LRRK1: variants seen among roughly 807,000 people sequenced by gnomAD.
LRRK1 encodes the protein leucine-rich repeat serine/threonine-protein kinase 1.
A neutral mutation model predicts 209.1 loss-of-function variants in LRRK1; 113 were observed. The observed-to-expected ratio is 0.54, with a 90% CI of 0.46 to 0.63. The LOEUF (loss-of-function observed/expected upper bound fraction) is 0.63. Among genes scored for constraint, LRRK1 ranks in the 30% least tolerant of loss-of-function variants. LRRK1 has a pLI of 0.00. For missense variants in LRRK1, 2,284 were observed against 2,632.2 expected, an observed-to-expected ratio of 0.87 and a Z score of 2.89; for synonymous variants, 1,144 against 1,099.7, an observed-to-expected ratio of 1.04 and a Z score of -0.80.
rs2036918037 is a variant in LRRK1, at chr15:101,074,632, C to G, written c.*5784C>G. The G allele has an allele frequency of 2.0e-5, 3 of 152,130 alleles. No individual in the cohort carries two copies. Among genetic ancestry groups the G allele is most frequent in the African/African-American group, 7.2e-5 (3 of 41,408 alleles). The allele number at this position is 152,130 out of a possible 1,614,324, so 9.4% of individuals were successfully genotyped here. A position where few individuals can be genotyped will look rare whatever the true frequency, so the allele number is the denominator to read the frequency against. On this transcript the variant is annotated 3_prime_UTR_variant, in exon 34 of 34. Transcript: ENST00000388948. The stretch of plus-strand genomic sequence containing the variant: ...AAAATTAAATTCCGGCCCTCAAACC[C>G]CACAACAGGATTTAATTAACCTTGC...
Position 100,984,910 on chromosome 15 carries a change from G to A in LRRK1, c.433+1211G>A, listed in dbSNP as rs546355064. On this transcript the variant is annotated intron_variant, in intron 4 of 33. Coordinates refer to ENST00000388948, the MANE Select transcript of LRRK1 (RefSeq NM_024652.6). The stretch of plus-strand genomic sequence containing the variant: ...CTTGGGAGCCAGGGCCCACCTCTTG[G>A]GTGGGAGAACATGCAGTCACCCAGG... Among the ~76,000 whole-genome samples the A allele has an allele frequency of 2.6e-5, 4 of 152,268 alleles. No homozygotes were observed. The East Asian group carries it at 7.7e-4, about 29-fold the overall frequency.
At chr15:101,062,984 G>A (rs1054678887) in intron 31 of LRRK1, among the ~76,000 whole-genome samples, 6 of 152,122 alleles carry the variant, frequency 3.9e-5, no homozygotes, top group Non-Finnish European at 5.9e-5. Context: ...CAAATGGCAC[G>A]GTGAGCAGTC....
chr15:101,012,641 TGCCCA>T (rs2033316673), intron 10 of LRRK1, among the ~76,000 whole-genome samples: 1 of 29,098 alleles, frequency 3.4e-5, no homozygotes, highest in Admixed American at 6.3e-4. Context: ...CCAGGCAGAG[TGCCCA>T]GGCCACCCTG....
chr15:100,932,172 G>T (rs2042224590), intron 2 of LRRK1, among the ~76,000 whole-genome samples: 1 of 152,136 alleles, frequency 6.6e-6, no homozygotes, highest in South Asian at 2.1e-4. Flanking sequence ...TTTTAGTAGA[G>T]ATGGTGTTTC....
In LRRK1 at chr15:101,055,004, C is replaced by G; in HGVS notation, c.4113C>G (p.Ala1371=). The change falls in exon 27 of 34, where the codon GCC becomes GCG. Residue 1371 remains alanine, a synonymous_variant. Transcript: ENST00000388948. ...CCCAAAAAATAGCCTACCAGATCGCCTCGGGCCTGGCCTACCTGCACAAGA... is the reference window on the plus strand; with the variant it reads ...CCCAAAAAATAGCCTACCAGATCGCGTCGGGCCTGGCCTACCTGCACAAGA... ...MLTQKIAYQI[A]SGLAYLHKKN... 4 of 1,614,102 alleles carry G rather than the reference C, an allele frequency of 2.5e-6. No individual in the cohort carries two copies. The highest frequency in any genetic ancestry group is 3.4e-6 in the Non-Finnish European group (4 of 1,180,002).
intron 29 of LRRK1, among the ~76,000 whole-genome samples, chr15:101,058,618 G>GGGGA (rs35096812): frequency 8.9e-5 from 1 of 11,198 alleles, no homozygotes; most frequent in Non-Finnish European, 1.6e-3. Flanking sequence ...AAGGGGCAAC[G>GGGGA]GGGGGGGGCG....
intron 10 of LRRK1, 30 bp from the exon 11 acceptor site, chr15:101,014,286 A>G (rs781115352): frequency 6.7e-7 from 1 of 1,488,280 alleles, no homozygotes; most frequent in Admixed American, 1.8e-5. Flanking sequence ...ATGCTATCTT[A>G]GCTTCTCTCT....
intron 11 of LRRK1, among the ~76,000 whole-genome samples, chr15:101,014,957 A>T (rs2033458246): frequency 6.6e-6 from 1 of 152,216 alleles, no homozygotes; most frequent in Admixed American, 6.5e-5. Flanking sequence ...AATTCTGTTC[A>T]AAAGTCTCTG....
intron 20 of LRRK1, among the ~76,000 whole-genome samples, chr15:101,034,921 C>T (rs374450323): frequency 1.1e-4 from 16 of 151,478 alleles, no homozygotes; most frequent in East Asian, 1.9e-4. Context: ...TTTTGTATTT[C>T]GGTGGTATCA....
chr15:101,026,065 T>C lies in LRRK1; in HGVS notation c.2333T>C (p.Val778Ala), dbSNP rs768495809. 2 of 1,614,148 alleles carry C rather than the reference T, an allele frequency of 1.2e-6. No individual in the cohort carries two copies. The highest frequency in any genetic ancestry group is 2.7e-5 in the African/African-American group (2 of 74,964). Residue 778 changes from valine to alanine, a missense_variant, in exon 17 of 34, where the codon GTG becomes GCG. Physicochemically the swap from Val to Ala is moderately conservative, Grantham distance 64. Transcript: ENST00000388948. ...AGGATTGCAACGCTGCGTGCCTATG[T>C]GCTGGCACTCTGCCGCTCCCCCTCC... Reference protein sequence around the residue: ...VERIATLRAYVLALCRSPSGS... With the variant: ...VERIATLRAYALALCRSPSGS...
chr15:100,920,559 C>G (rs920343761), intron 1 of LRRK1, among the ~76,000 whole-genome samples: 2 of 152,144 alleles, frequency 1.3e-5, no homozygotes, highest in Non-Finnish European at 2.9e-5. Context: ...TGGCAGTGAC[C>G]TCGCAGTCAA....
intron 2 of LRRK1, among the ~76,000 whole-genome samples, chr15:100,950,985 C>T (rs1442599014): frequency 6.6e-6 from 1 of 152,190 alleles, no homozygotes; most frequent in Non-Finnish European, 1.5e-5. Context: ...CGCCTGTAGT[C>T]CCAGCTATTT....
chr15:101,046,409 C>G (rs576251918), intron 21 of LRRK1, among the ~76,000 whole-genome samples: 14 of 152,284 alleles, frequency 9.2e-5, no homozygotes, highest in African/African-American at 2.9e-4. Context: ...CAGTGTTAGC[C>G]CACCTCAAAA....
At chr15:101,007,848 T>A (rs1394591204) in intron 6 of LRRK1, among the ~76,000 whole-genome samples, 1 of 152,118 alleles carries the variant, frequency 6.6e-6, no homozygotes, top group African/African-American at 2.4e-5. Context: ...AAATGATGGC[T>A]TAGCTTCCTG....
Position 101,065,591 on chromosome 15 carries a change from T to C in LRRK1, c.5154T>C (p.Cys1718=). 6.2e-7 allele frequency: 1 copy of C among 1,614,218 alleles called. No individual in the cohort carries two copies. The highest frequency in any genetic ancestry group is 1.3e-5 in the African/African-American group (1 of 75,066). The change falls in exon 32 of 34, where the codon TGT becomes TGC. Residue 1718 remains cysteine (C), a synonymous_variant. Coordinates refer to ENST00000388948, the MANE Select transcript of LRRK1 (RefSeq NM_024652.6). Reference sequence around the variant, plus strand: ...GGCCGGGCCTCCTTGTCATCGACTGTGCCTCCCTGGAGATCTGCAGGCGGC... The same window carrying C: ...GGCCGGGCCTCCTTGTCATCGACTGCGCCTCCCTGGAGATCTGCAGGCGGC... ...SNGPGLLVID[C]ASLEICRRLE...
At chr15:101,023,670 C>G (rs568296931) in intron 15 of LRRK1, among the ~76,000 whole-genome samples, 1 of 152,350 alleles carries the variant, frequency 6.6e-6, no homozygotes, top group East Asian at 1.9e-4. Context: ...CTCCCACGCA[C>G]AGTGCCAACC....
At position 101,025,964 on chromosome 15, in the gene LRRK1, G is replaced by A. The variant is rs55966303; in HGVS notation, c.2233-1G>A. On this transcript the variant is annotated splice_acceptor_variant, in intron 16 of 33. Transcript: ENST00000388948. LOFTEE classifies it high-confidence loss of function. ...CTCAGCCGTGGGGTTCTCTGTTGCA[G>A]GCCAAGGCCCCAAACGCCGTGGTGC... The A allele has an allele frequency of 1.2e-6, 2 of 1,614,158 alleles. No homozygotes were observed. The highest frequency in any genetic ancestry group is 3.3e-5 in the Admixed American group (2 of 60,032).
Position 101,010,694 on chromosome 15 carries a change from C to T in LRRK1, c.1138C>T (p.Arg380Trp), listed in dbSNP as rs758667510. 1.1e-5 allele frequency: 18 copies of T among 1,609,104 alleles called. No homozygotes were observed. Among genetic ancestry groups the T allele is most frequent in the Admixed American group, 3.4e-5 (2 of 59,386 alleles). The change falls in exon 9 of 34, where the codon CGG (arginine) becomes TGG (tryptophan). Residue 380 changes from arginine (R) to tryptophan (W), a missense_variant. Arg to Trp is a moderately radical substitution (Grantham distance 101). Around this residue, in one of 6 missense-constraint regions of LRRK1, gnomAD observed 494 missense variants for 522.1 expected, o/e 0.95. Coordinates refer to ENST00000388948, the MANE Select transcript of LRRK1 (RefSeq NM_024652.6). ...EENATNWIGL[R>W]KLQELDISDN... is the part of the protein sequence containing the mutation. ...TTTAGCCACTAACTGGATAGGTTTA[C>T]GGAAGCTACAGGAACTTGATATATC...
At chr15:100,983,742 C>T in intron 4 of LRRK1, 43 bp downstream of exon 4, 1 of 1,580,216 alleles carries the variant, frequency 6.3e-7, no homozygotes, top group Non-Finnish European at 8.7e-7. Context: ...CTCAGGGCAC[C>T]CTCTTCTTAG....
Sources: gnomAD v4.1 joint callset for allele counts (sites outside exome capture counted in the v4.1 genomes callset) on GRCh38, gnomAD v4.1.1 for gene constraint, gnomAD v4.1.1 regional missense constraint, MANE v1.5 for transcripts, NCBI Gene and HGNC (gene_info 2026-07-23, HGNC 2026-07-21) for gene names.